Variants in PSMC2 observed in about 807,000 individuals in gnomAD.
PSMC2 encodes the protein proteasome 26S subunit, ATPase 2, also known as 26S proteasome regulatory subunit 7.
A neutral mutation model predicts 53.3 loss-of-function variants in PSMC2; 7 were observed. That is an observed-to-expected ratio of 0.13 (90% CI 0.07 to 0.25). The LOEUF (loss-of-function observed/expected upper bound fraction) is 0.25, where lower values mean the gene tolerates loss of function less well. Ranked by LOEUF, PSMC2 falls within the 10% of genes least tolerant of loss-of-function variation. The pLI is 1.00. For missense variants in PSMC2, 241 were observed against 544.0 expected (o/e 0.44, Z 5.54); for synonymous variants, 169 against 183.9 (o/e 0.92, Z 0.66).
chr7:103,361,113 C>CA (rs894077630), intron 4 of PSMC2, among the ~76,000 whole-genome samples: 4 of 141,416 alleles, frequency 2.8e-5, no homozygotes, highest in South Asian at 2.3e-4. Flanking sequence ...GACTCTGTCT[C>CA]AAAAAAAAGA....
Position 103,347,702 on chromosome 7 carries a change from A to T in PSMC2, c.-10A>T. On this transcript the variant is annotated 5_prime_UTR_variant, in exon 1 of 12. Coordinates refer to ENST00000292644, the MANE Select transcript of PSMC2 (RefSeq NM_002803.4). Reference sequence around the variant, plus strand: ...ATCATTAAGGAGCGGAGGCTTTTGGAGCTGCTAAAATGCCGGATTACCTCG... The same window carrying T: ...ATCATTAAGGAGCGGAGGCTTTTGGTGCTGCTAAAATGCCGGATTACCTCG... 6.2e-7 allele frequency: 1 copy of T among 1,613,886 alleles called. No homozygotes were observed. Among genetic ancestry groups the T allele is most frequent in the South Asian group, 1.1e-5 (1 of 91,072 alleles).
chr7:103,353,211 C>CT (rs914185628), intron 1 of PSMC2, among the ~76,000 whole-genome samples: 5 of 151,898 alleles, frequency 3.3e-5, no homozygotes, highest in African/African-American at 9.7e-5. Context: ...ACATTATATC[C>CT]TTTTTTTTAA....
At position 103,363,336 on chromosome 7, in the gene PSMC2, T is replaced by G; in HGVS notation, c.496-8T>G. 1 of 1,606,018 alleles carries G rather than the reference T, an allele frequency of 6.2e-7. No individual in the cohort carries two copies. The highest frequency in any genetic ancestry group is 1.7e-5 in the Admixed American group (1 of 60,018). ...ACTGTATGTTGTACATTTCTGTCCC[T>G]CTCTTAGGTGGAAGAGAAACCTGAT... On this transcript the variant is annotated splice_polypyrimidine_tract_variant and splice_region_variant and intron_variant, in intron 6 of 11. Coordinates refer to ENST00000292644, the MANE Select transcript of PSMC2 (RefSeq NM_002803.4).
intron 4 of PSMC2, among the ~76,000 whole-genome samples, 181 bp from the exon 5 acceptor site, chr7:103,361,776 A>T (rs1820429412): frequency 6.6e-6 from 1 of 152,214 alleles, no homozygotes; most frequent in Admixed American, 6.5e-5. Flanking sequence ...AAATTTTATG[A>T]CTTGGCTAAA....
At chr7:103,364,592 TAG>T (rs1273281489) in intron 8 of PSMC2, among the ~76,000 whole-genome samples, 1 of 152,068 alleles carries the variant, frequency 6.6e-6, no homozygotes, top group Non-Finnish European at 1.5e-5. Context: ...CTATTTTTTG[TAG>T]AGAGGGGTTT....
rs746224068 is a variant in PSMC2 at position 103,364,136 on chromosome 7, A to G, written c.592-7A>G. The G allele has an allele frequency of 6.2e-7, 1 of 1,612,518 alleles. No individual in the cohort carries two copies. The highest frequency in any genetic ancestry group is 8.5e-7 in the Non-Finnish European group (1 of 1,179,526). ...TGGTAAGTGTGAAAATTGTGTCTCTATCACAGCCAGAGAGGTTTGTGAACC... is the reference window on the plus strand; with the variant it reads ...TGGTAAGTGTGAAAATTGTGTCTCTGTCACAGCCAGAGAGGTTTGTGAACC... On this transcript the variant is annotated splice_region_variant and splice_polypyrimidine_tract_variant and intron_variant, in intron 7 of 11. Transcript: ENST00000292644.
Position 103,359,971 on chromosome 7 carries a change from C to T in PSMC2, c.291-1986C>T, listed in dbSNP as rs116102088. 4.4e-3 allele frequency among the ~76,000 whole-genome samples: 672 copies of T among 151,870 alleles called. 7 individuals are homozygous for T. Among genetic ancestry groups the T allele is most frequent in the African/African-American group, 0.015 (619 of 41,376 alleles). ...TGGCAGGCGCCTGTAATCCCAGACA[C>T]TTAGGAGGCTGACGCAGGAGAATTG... On this transcript the variant is annotated intron_variant, in intron 4 of 11. Transcript: ENST00000292644.
chr7:103,357,952 G>A (rs1403462900), intron 4 of PSMC2, among the ~76,000 whole-genome samples: 1 of 152,130 alleles, frequency 6.6e-6, no homozygotes, highest in African/African-American at 2.4e-5. Context: ...CTTCTGACCT[G>A]CTTTGGTTTG....
chr7:103,363,715 C>T (rs1683611262), intron 7 of PSMC2, among the ~76,000 whole-genome samples: 1 of 152,100 alleles, frequency 6.6e-6, no homozygotes, highest in Admixed American at 6.5e-5. Context: ...AAATATGTTA[C>T]AGGCTATTAT....
chr7:103,367,372 G>C lies in PSMC2; in HGVS notation c.845-41G>C, dbSNP rs1295999241. 6.3e-7 allele frequency: 1 copy of C among 1,597,126 alleles called. No individual in the cohort carries two copies. The highest frequency in any genetic ancestry group is 8.6e-7 in the Non-Finnish European group (1 of 1,166,690). ...TCAGGTCATGCATAGTGCTACTCTT[G>C]AGTGGACTTGAAGAGCTTATCTTTC... is the stretch of plus-strand genomic sequence containing the variant. On this transcript the variant is annotated intron_variant, in intron 9 of 11. Coordinates refer to ENST00000292644, the MANE Select transcript of PSMC2 (RefSeq NM_002803.4). This position sits in a 1 kb window ranked among gnomAD's most constrained non-coding sequence, Gnocchi z 6.1.
At chr7:103,352,003 G>C (rs1044539724) in intron 1 of PSMC2, among the ~76,000 whole-genome samples, 11 of 151,292 alleles carry the variant, frequency 7.3e-5, no homozygotes, top group Non-Finnish European at 7.4e-5. Context: ...ATATCTCAGC[G>C]AGCTAATTCT....
chr7:103,351,326 G>C (rs1819731209), intron 1 of PSMC2, among the ~76,000 whole-genome samples: 2 of 152,214 alleles, frequency 1.3e-5, no homozygotes, highest in Admixed American at 1.3e-4. Flanking sequence ...GCCAAGTCCA[G>C]GAGAAACCAG....
chr7:103,348,861 G>C (rs1369539727), intron 1 of PSMC2: 2 of 543,954 alleles, frequency 3.7e-6, no homozygotes, highest in Non-Finnish European at 6.7e-6. Flanking sequence ...TTAAAAAAAT[G>C]AATAATCTTG....
Position 103,364,120 on chromosome 7 carries a change from T to A in PSMC2, c.592-23T>A, listed in dbSNP as rs1205288560. On this transcript the variant is annotated intron_variant, in intron 7 of 11. Transcript: ENST00000292644. ...TTTTGTTATACAGAAGTGGTAAGTG[T>A]GAAAATTGTGTCTCTATCACAGCCA... 3.1e-6 allele frequency: 5 copies of A among 1,608,090 alleles called. No individual in the cohort carries two copies. In the South Asian group the frequency reaches 3.3e-5, roughly 11 times the overall value.
intron 1 of PSMC2, among the ~76,000 whole-genome samples, chr7:103,351,167 G>A (rs897588380): frequency 1.3e-5 from 2 of 152,140 alleles, no homozygotes; most frequent in South Asian, 2.1e-4. Context: ...AGGATATGCC[G>A]GTGTGTTGGA....
intron 4 of PSMC2, among the ~76,000 whole-genome samples, chr7:103,358,440 A>G (rs1014829205): frequency 6.6e-6 from 1 of 151,980 alleles, no homozygotes; most frequent in African/African-American, 2.4e-5. Flanking sequence ...GAATTCTCTT[A>G]TTTGGATATG....
intron 5 of PSMC2, 159 bp from the exon 6 acceptor site, chr7:103,362,527 T>C (rs1778976002): frequency 7.1e-7 from 1 of 1,405,048 alleles, no homozygotes. Context: ...TAGTTTAGTA[T>C]CCTCAGATTT....
chr7:103,358,986 A>T (rs1820201174), intron 4 of PSMC2, among the ~76,000 whole-genome samples: 1 of 143,126 alleles, frequency 7.0e-6, no homozygotes, highest in Admixed American at 7.0e-5. Context: ...TAGCTTGTGA[A>T]TTTTTTTTTT....
chr7:103,367,341 G>T lies in PSMC2; in HGVS notation c.845-72G>T, dbSNP rs1045911858. On this transcript the variant is annotated intron_variant, in intron 9 of 11. Coordinates refer to ENST00000292644, the MANE Select transcript of PSMC2 (RefSeq NM_002803.4). This position sits in a 1 kb window ranked among gnomAD's most constrained non-coding sequence, Gnocchi z 6.1. The stretch of plus-strand genomic sequence containing the variant: ...GACATGATTTGAGCTGAGATTTTTG[G>T]TACTTTCAGGTCATGCATAGTGCTA... 1 of 1,443,544 alleles carries T rather than the reference G, an allele frequency of 6.9e-7. No individual in the cohort carries two copies. The highest frequency in any genetic ancestry group is 9.7e-7 in the Non-Finnish European group (1 of 1,034,610). The allele number at this position is 1,443,544 out of a possible 1,614,324, so 89.4% of individuals were successfully genotyped here. A position where few individuals can be genotyped will look rare whatever the true frequency, so the allele number is the denominator to read the frequency against.
Sources: allele counts gnomAD v4.1 joint callset (sites outside exome capture counted in the v4.1 genomes callset), GRCh38; gene constraint gnomAD v4.1.1; non-coding constraint Gnocchi (gnomAD v3.1); transcripts MANE v1.5; gene names NCBI Gene and HGNC (gene_info 2026-07-23, HGNC 2026-07-21).